TYW1: variants seen among roughly 807,000 people sequenced by gnomAD.
TYW1 encodes the protein S-adenosyl-L-methionine-dependent tRNA 4-demethylwyosine synthase TYW1.
A neutral mutation model predicts 96.2 loss-of-function variants in TYW1; 46 were observed. The ratio of observed to expected loss-of-function variants is 0.48; its 90% CI spans 0.38 to 0.61. The LOEUF (loss-of-function observed/expected upper bound fraction) is 0.61. TYW1 is among the 20% of genes least tolerant of loss of function. The pLI is 0.00. For synonymous variants in TYW1, 274 were observed against 323.0 expected (o/e 0.85, Z 1.63); for missense variants, 684 against 909.6 (o/e 0.75, Z 3.19).
chr7:67,134,008 T>C (rs919224192), intron 13 of TYW1, among the ~76,000 whole-genome samples: 21 of 151,986 alleles, frequency 1.4e-4, no homozygotes, highest in Non-Finnish European at 2.4e-4. Flanking sequence ...CTCTGCTTGT[T>C]TTTTTCCATA....
At chr7:67,065,419 A>G (rs893571371) in intron 9 of TYW1, among the ~76,000 whole-genome samples, 1 of 152,218 alleles carries the variant, frequency 6.6e-6, no homozygotes, top group Non-Finnish European at 1.5e-5. Context: ...ATTGAAGTGT[A>G]CAGTTCTTCA....
intron 15 of TYW1, among the ~76,000 whole-genome samples, chr7:67,216,654 C>T (rs112569349): frequency 0.043 from 5,875 of 136,132 alleles, 278 homozygotes; most frequent in South Asian, 0.066. Context: ...GAGTTGATTA[C>T]GTTGCTCATA....
intron 13 of TYW1, among the ~76,000 whole-genome samples, chr7:67,149,722 A>ATCTATCTATCTATC (rs1554376826): frequency 2.9e-4 from 40 of 140,236 alleles, no homozygotes; most frequent in African/African-American, 1.0e-3. Flanking sequence ...AGGAAAAAAA[A>ATCTATCTATCTATC]TATCTATCTA....
intron 14 of TYW1, among the ~76,000 whole-genome samples, chr7:67,185,588 A>C (rs572811746): frequency 3.7e-4 from 57 of 152,226 alleles, no homozygotes; most frequent in Non-Finnish European, 7.2e-4. Context: ...GCTGAGATAC[A>C]GGAAACCAGG....
chr7:67,136,974 C>T (rs908836923), intron 13 of TYW1, among the ~76,000 whole-genome samples: 5 of 151,334 alleles, frequency 3.3e-5, no homozygotes, highest in African/African-American at 1.2e-4. Flanking sequence ...AGGTGCCTGC[C>T]ACCACACCCG....
chr7:67,131,699 C>A (rs1220362680), intron 13 of TYW1, among the ~76,000 whole-genome samples: 1 of 152,188 alleles, frequency 6.6e-6, no homozygotes, highest in African/African-American at 2.4e-5. Flanking sequence ...AATAGGTCAT[C>A]TGCAAGCTGA....
chr7:67,018,240 G>A lies in TYW1; in HGVS notation c.861+97G>A, dbSNP rs1584468589. On this transcript the variant is annotated intron_variant, in intron 6 of 15. Transcript: ENST00000359626. ...TCAATAAACCATCTCGTTGGCTTCT[G>A]GTTAGAAGGAAGATCTGGCTGAGTG... is the stretch of plus-strand genomic sequence containing the variant. The A allele has an allele frequency of 8.1e-6, 12 of 1,476,978 alleles. No individual in the cohort carries two copies. The East Asian group carries it at 2.8e-4, about 34-fold the overall frequency. The allele number at this position is 1,476,978 out of a possible 1,614,324, so 91.5% of individuals were successfully genotyped here. A position where few individuals can be genotyped will look rare whatever the true frequency, so the allele number is the denominator to read the frequency against.
chr7:67,113,172 C>CA (rs1355586304), intron 12 of TYW1, among the ~76,000 whole-genome samples: 5 of 151,908 alleles, frequency 3.3e-5, no homozygotes, highest in Admixed American at 3.3e-4. Flanking sequence ...CAAGCAAAAT[C>CA]AACTCACTCC....
At chr7:67,004,210 C>T (rs112640754) in intron 3 of TYW1, among the ~76,000 whole-genome samples, 2,681 of 152,296 alleles carry the variant, frequency 0.018, 78 homozygotes, top group African/African-American at 0.061. Flanking sequence ...ACAGTCATCT[C>T]ACCATTGATT....
chr7:67,015,976 GATC>G (rs2129242177), intron 5 of TYW1, among the ~76,000 whole-genome samples: 1 of 150,178 alleles, frequency 6.7e-6, no homozygotes, highest in Non-Finnish European at 1.5e-5. Flanking sequence ...AAAAAAAAAA[GATC>G]ATGAATTTTT....
intron 15 of TYW1, among the ~76,000 whole-genome samples, chr7:67,220,051 C>T (rs954280536): frequency 3.3e-5 from 5 of 150,098 alleles, no homozygotes; most frequent in African/African-American, 9.9e-5. Context: ...GTGTCCCATA[C>T]GTTTTGATAT....
chr7:67,043,935 C>A (rs181741480), intron 7 of TYW1, among the ~76,000 whole-genome samples: 322 of 152,046 alleles, frequency 2.1e-3, no homozygotes, highest in Non-Finnish European at 2.3e-3. Context: ...TGAGTGATAT[C>A]TTGGAGATTC....
chr7:67,061,998 G>A (rs1337164686), intron 9 of TYW1, among the ~76,000 whole-genome samples: 4 of 152,144 alleles, frequency 2.6e-5, no homozygotes, highest in Non-Finnish European at 5.9e-5. Context: ...GAGCAGTGCC[G>A]TTGTACTGTG....
At chr7:67,152,690 C>G (rs1798841013) in intron 13 of TYW1, among the ~76,000 whole-genome samples, 1 of 152,180 alleles carries the variant, frequency 6.6e-6, no homozygotes, top group Non-Finnish European at 1.5e-5. Context: ...TACCCTCAGC[C>G]TCCCGGGTTC....
intron 12 of TYW1, among the ~76,000 whole-genome samples, chr7:67,111,189 A>G (rs1046795337): frequency 1.3e-5 from 2 of 152,188 alleles, no homozygotes; most frequent in East Asian, 1.9e-4. Flanking sequence ...AAAGAACTAC[A>G]GGAAAGCATT....
At chr7:67,180,923 C>T (rs769026561) in intron 13 of TYW1, among the ~76,000 whole-genome samples, 1 of 152,100 alleles carries the variant, frequency 6.6e-6, no homozygotes, top group Non-Finnish European at 1.5e-5. Context: ...GGATTACAGG[C>T]GTGAGCCACT....
At chr7:67,129,093 A>C (rs980313472) in intron 13 of TYW1, among the ~76,000 whole-genome samples, 1 of 152,166 alleles carries the variant, frequency 6.6e-6, no homozygotes, top group Non-Finnish European at 1.5e-5. Flanking sequence ...AGTGTGCTGC[A>C]GTTGGCTATT....
At chr7:67,042,733 A>G (rs1035440999) in intron 7 of TYW1, among the ~76,000 whole-genome samples, 1 of 152,158 alleles carries the variant, frequency 6.6e-6, no homozygotes, top group Non-Finnish European at 1.5e-5. Flanking sequence ...GCAGTGGCTT[A>G]TGCCTGTAAT....
chr7:67,133,046 G>A (rs1396894687), intron 13 of TYW1, among the ~76,000 whole-genome samples: 2 of 152,070 alleles, frequency 1.3e-5, no homozygotes, highest in South Asian at 2.1e-4. Flanking sequence ...TTTTGTCACC[G>A]TACCCTGTCC....
Sources: allele counts gnomAD v4.1 joint callset (sites outside exome capture counted in the v4.1 genomes callset), GRCh38; gene constraint gnomAD v4.1.1; transcripts MANE v1.5; gene names NCBI Gene and HGNC (gene_info 2026-07-23, HGNC 2026-07-21).